Variants in CCDC102B observed in about 807,000 individuals in gnomAD.
CCDC102B encodes the protein coiled-coil domain containing 102B, also known as coiled-coil domain-containing protein 102B.
Under a neutral mutation model 57.4 loss-of-function variants are expected in CCDC102B, and 75 were observed. The ratio of observed to expected loss-of-function variants is 1.31; its 90% CI spans 1.08 to 1.58. CCDC102B has a LOEUF of 1.58. Among genes scored for constraint, CCDC102B ranks in the 40% most tolerant of loss-of-function variants. CCDC102B has a pLI of 0.00. For missense variants in CCDC102B, 636 were observed against 582.6 expected, an observed-to-expected ratio of 1.09 and a Z score of -0.94; for synonymous variants, 206 against 201.9, an observed-to-expected ratio of 1.02 and a Z score of -0.17.
chr18:69,011,163 T>C, intron 7 of CCDC102B, 59 bp downstream of exon 7: 5 of 1,427,246 alleles, frequency 3.5e-6, no homozygotes, highest in Non-Finnish European at 4.7e-6. Context: ...TTAGAGCATA[T>C]CTAAAGATTG....
At chr18:68,719,057 C>T (rs191147296) in intron 2 of CCDC102B, among the ~76,000 whole-genome samples, 2 of 151,920 alleles carry the variant, frequency 1.3e-5, no homozygotes, top group African/African-American at 4.8e-5. Context: ...TATGAAAATA[C>T]ATAAGAAAAC....
intron 6 of CCDC102B, among the ~76,000 whole-genome samples, chr18:68,901,813 A>T (rs1252136176): frequency 6.6e-6 from 1 of 152,170 alleles, no homozygotes; most frequent in Non-Finnish European, 1.5e-5. Flanking sequence ...CCCTGAACTG[A>T]ATAGACACCA....
chr18:68,816,710 C>T (rs1599505895), intron 1 of CCDC102B, among the ~76,000 whole-genome samples: 2 of 152,164 alleles, frequency 1.3e-5, no homozygotes, highest in South Asian at 2.1e-4. Context: ...GTGATCCGCC[C>T]GCCTCGGCGT....
chr18:68,969,151 A>T lies in CCDC102B; in HGVS notation c.1264-41783A>T, dbSNP rs117535128. ...AGCATGCTTATTTTCCTTAACAAAA[A>T]CCAGGCCATGCTAACGTAATGAACT... On this transcript the variant is annotated intron_variant, in intron 6 of 7. Coordinates refer to ENST00000360242, the MANE Select transcript of CCDC102B (RefSeq NM_024781.3). Among the ~76,000 whole-genome samples the T allele has an allele frequency of 2.1e-4, 32 of 152,278 alleles. No individual in the cohort carries two copies. In the East Asian group the frequency reaches 6.2e-3, roughly 29 times the overall value.
At chr18:68,785,290 A>G (rs1206325119) in intron 2 of CCDC102B, among the ~76,000 whole-genome samples, 3 of 152,162 alleles carry the variant, frequency 2.0e-5, no homozygotes, top group Admixed American at 1.3e-4. Flanking sequence ...ATAAACATAC[A>G]TGTGCATGTG....
intron 1 of CCDC102B, among the ~76,000 whole-genome samples, chr18:68,810,924 C>T (rs2036239177): frequency 1.3e-5 from 2 of 151,998 alleles, no homozygotes; most frequent in South Asian, 4.1e-4. Flanking sequence ...GTTCAGCTCC[C>T]ACTTATGAGT....
At chr18:68,884,314 AT>A (rs1236237292) in intron 5 of CCDC102B, among the ~76,000 whole-genome samples, 1 of 152,212 alleles carries the variant, frequency 6.6e-6, no homozygotes, top group African/African-American at 2.4e-5. Flanking sequence ...AGTATATACA[AT>A]GGAATATGTA....
chr18:68,826,344 G>A (rs1023686059), intron 1 of CCDC102B, among the ~76,000 whole-genome samples: 1 of 145,436 alleles, frequency 6.9e-6, no homozygotes, highest in African/African-American at 2.8e-5. Flanking sequence ...CTGGGAGCTG[G>A]TGGCCAGAAG....
intron 5 of CCDC102B, among the ~76,000 whole-genome samples, chr18:68,896,741 G>A (rs564401355): frequency 6.6e-6 from 1 of 151,396 alleles, no homozygotes; most frequent in African/African-American, 2.4e-5. Context: ...TTACTTTTTG[G>A]CAACTGCAAA....
At position 68,813,774 on chromosome 18, in the gene CCDC102B, T is replaced by TTATA. The variant is rs142225933; in HGVS notation, c.-16+15609_-16+15612dup. On this transcript the variant is annotated intron_variant, in intron 1 of 7. Transcript: ENST00000360242. ...GATGAAGTCATATTAAAATATAATT[T>TTATA]TATATATATATATATATATCTTTAG... 1.3e-3 allele frequency among the ~76,000 whole-genome samples: 186 copies of TTATA among 145,972 alleles called. 1 individual carries two copies. The highest frequency in any genetic ancestry group is 3.3e-3 in the African/African-American group (130 of 39,690).
chr18:68,841,690 C>T (rs1318347276), intron 3 of CCDC102B, among the ~76,000 whole-genome samples: 1 of 152,080 alleles, frequency 6.6e-6, no homozygotes, highest in Non-Finnish European at 1.5e-5. Context: ...GTCCTTTAAG[C>T]TGAGCTTCAG....
intron 2 of CCDC102B, among the ~76,000 whole-genome samples, chr18:68,733,507 TTTTTTTA>T (rs1156603357): frequency 6.6e-5 from 5 of 76,154 alleles, no homozygotes; most frequent in Non-Finnish European, 1.2e-4. Flanking sequence ...TATATATATA[TTTTTTTA>T]ACTTAAGCAT....
At chr18:68,959,353 A>G (rs1398729265) in intron 6 of CCDC102B, among the ~76,000 whole-genome samples, 1 of 151,928 alleles carries the variant, frequency 6.6e-6, no homozygotes, top group Non-Finnish European at 1.5e-5. Context: ...CCTTACTTCC[A>G]CCCAAACAAT....
At chr18:68,972,267 T>C (rs1330656124) in intron 6 of CCDC102B, among the ~76,000 whole-genome samples, 1 of 152,152 alleles carries the variant, frequency 6.6e-6, no homozygotes, top group African/African-American at 2.4e-5. Context: ...TGGTGGGTGT[T>C]GTTAGCAGCA....
At chr18:68,777,191 CTA>C (rs1218187613) in intron 2 of CCDC102B, among the ~76,000 whole-genome samples, 1 of 152,168 alleles carries the variant, frequency 6.6e-6, no homozygotes, top group East Asian at 1.9e-4. Flanking sequence ...TTTTAAAGGA[CTA>C]TTTCTCCCTT....
intron 2 of CCDC102B, among the ~76,000 whole-genome samples, chr18:68,740,176 T>G (rs754531328): frequency 5.3e-5 from 8 of 152,156 alleles, no homozygotes; most frequent in Non-Finnish European, 1.2e-4. Flanking sequence ...CTGCCCCAGT[T>G]GAGACAACCA....
chr18:68,737,379 C>T (rs1052220663), intron 2 of CCDC102B, among the ~76,000 whole-genome samples: 3 of 152,030 alleles, frequency 2.0e-5, no homozygotes, highest in African/African-American at 4.8e-5. Context: ...TTGGTCCCAA[C>T]ACTCTCTCAT....
chr18:68,823,029 G>A (rs1280447410), intron 1 of CCDC102B, among the ~76,000 whole-genome samples: 2 of 152,086 alleles, frequency 1.3e-5, no homozygotes, highest in Non-Finnish European at 2.9e-5. Flanking sequence ...CCTCTGATTG[G>A]TCTGGGGCCA....
intron 4 of CCDC102B, chr18:68,866,659 C>A: frequency 2.7e-6 from 1 of 377,324 alleles, no homozygotes. Context: ...AACATAGATT[C>A]AAACCGCCCT....
Sources: gnomAD v4.1 joint callset for allele counts (sites outside exome capture counted in the v4.1 genomes callset) on GRCh38, gnomAD v4.1.1 for gene constraint, MANE v1.5 for transcripts, NCBI Gene and HGNC (gene_info 2026-07-23, HGNC 2026-07-21) for gene names.